Variants in HMGB1 observed in about 807,000 individuals in gnomAD.
The protein encoded by HMGB1 is high mobility group protein B1.
For missense variants in HMGB1, 79 were observed against 253.5 expected (o/e 0.31, Z 4.67); for synonymous variants, 81 against 84.0 (o/e 0.96, Z 0.19).
intron 1 of HMGB1, 115 bp from the exon 2 acceptor site, chr13:30,463,809 A>G (rs1301917098): frequency 4.6e-6 from 3 of 651,310 alleles, no homozygotes; most frequent in Non-Finnish European, 7.5e-6. Context: ...CAGTAGCGAC[A>G]TCAACCTCCG....
intron 1 of HMGB1, among the ~76,000 whole-genome samples, chr13:30,544,521 G>A (rs1031651442): frequency 1.3e-5 from 2 of 152,292 alleles, no homozygotes; most frequent in Non-Finnish European, 2.9e-5. Context: ...ATGTAATGAC[G>A]CTTCCATAAA....
chr13:30,573,817 A>AT (rs1374022830), intron 1 of HMGB1, among the ~76,000 whole-genome samples: 3 of 152,042 alleles, frequency 2.0e-5, no homozygotes, highest in Non-Finnish European at 4.4e-5. Context: ...CGTCCAGCTA[A>AT]TTTTTTTGGT....
intron 1 of HMGB1, among the ~76,000 whole-genome samples, chr13:30,550,637 C>T (rs1299808279): frequency 6.6e-6 from 1 of 152,166 alleles, no homozygotes; most frequent in Non-Finnish European, 1.5e-5. Flanking sequence ...ACACTCGGGC[C>T]ACCTCCTCTT....
At chr13:30,518,293 C>T (rs547167707) in intron 1 of HMGB1, among the ~76,000 whole-genome samples, 6 of 152,342 alleles carry the variant, frequency 3.9e-5, no homozygotes, top group South Asian at 2.1e-4. Flanking sequence ...GCTGTGTTCA[C>T]GCTACTGTAC....
chr13:30,568,945 G>A (rs1870309251), intron 1 of HMGB1, among the ~76,000 whole-genome samples: 1 of 152,210 alleles, frequency 6.6e-6, no homozygotes. Flanking sequence ...GGGAGGCTAA[G>A]GCGGGGAGAT....
chr13:30,456,761 G>C lies in HMGB1; in HGVS notation c.*4596C>G, dbSNP rs1389178516. 14 of 9,704 alleles carry C rather than the reference G, an allele frequency of 1.4e-3. No homozygotes were observed. The East Asian group carries it at 0.031, about 21-fold the overall frequency. 0.6% of individuals were successfully genotyped at this position (9,704 alleles called of 1,614,324 possible). Reference sequence around the variant, plus strand: ...AGCATAAATAACAGCTTTTGTGGGCGGGGGGGGGGGGTGGTGGGGTGCAAT... The same window carrying C: ...AGCATAAATAACAGCTTTTGTGGGCCGGGGGGGGGGGTGGTGGGGTGCAAT... On this transcript the variant is annotated 3_prime_UTR_variant, in exon 5 of 5. Coordinates refer to ENST00000341423, the MANE Select transcript of HMGB1 (RefSeq NM_002128.7).
chr13:30,596,210 T>C (rs1014901291), intron 1 of HMGB1, among the ~76,000 whole-genome samples: 5 of 152,220 alleles, frequency 3.3e-5, no homozygotes, highest in Admixed American at 3.3e-4. Flanking sequence ...TCTCCCTTTA[T>C]AATCAATTAC....
intron 1 of HMGB1, chr13:30,464,687 C>G: frequency 1.0e-6 from 1 of 962,508 alleles, no homozygotes; most frequent in Non-Finnish European, 1.2e-6. Context: ...CACGGAATGG[C>G]CGCTGCGCGT....
At chr13:30,521,951 T>C (rs1324534821) in intron 1 of HMGB1, among the ~76,000 whole-genome samples, 1 of 152,216 alleles carries the variant, frequency 6.6e-6, no homozygotes, top group African/African-American at 2.4e-5. Flanking sequence ...GCATTGCACT[T>C]ATTTTTAAAG....
At position 30,459,835 on chromosome 13, in the gene HMGB1, G is replaced by A. The variant is rs1280595357; in HGVS notation, c.*1522C>T. The A allele has an allele frequency of 6.6e-6, 1 of 152,484 alleles. No individual in the cohort carries two copies. Among genetic ancestry groups the A allele is most frequent in the African/African-American group, 2.4e-5 (1 of 41,416 alleles). The allele number at this position is 152,484 out of a possible 1,614,324, so 9.4% of individuals were successfully genotyped here. A position where few individuals can be genotyped will look rare whatever the true frequency, so the allele number is the denominator to read the frequency against. On this transcript the variant is annotated 3_prime_UTR_variant, in exon 5 of 5. Coordinates refer to ENST00000341423, the MANE Select transcript of HMGB1 (RefSeq NM_002128.7). ...CAAAATCTTAAGTTCTTAAGTGAAA[G>A]CCATTTAACTAGTATTTAAAACCTC...
At chr13:30,603,763 C>A (rs1273720831) in intron 1 of HMGB1, among the ~76,000 whole-genome samples, 1 of 152,248 alleles carries the variant, frequency 6.6e-6, no homozygotes, top group African/African-American at 2.4e-5. Flanking sequence ...ATAACCTACA[C>A]ATCTTCCTGT....
chr13:30,581,246 T>C (rs1870889303), intron 1 of HMGB1, among the ~76,000 whole-genome samples: 1 of 152,198 alleles, frequency 6.6e-6, no homozygotes, highest in Non-Finnish European at 1.5e-5. Flanking sequence ...TAATCTGCTC[T>C]AGATCCACTG....
rs187651096 is a variant in HMGB1 at position 30,533,888 on chromosome 13, G to C, written c.-14-70194C>G. ...TATCTTTTTTTTTTTTTTTAAGATG[G>C]AGTTTCGCTCTTGTTGCCCGGGCTG... is the stretch of plus-strand genomic sequence containing the variant. On this transcript the variant is annotated intron_variant, in intron 1 of 4. Coordinates refer to the HMGB1 transcript ENST00000405805. Among the ~76,000 whole-genome samples the C allele has an allele frequency of 2.6e-3, 379 of 147,060 alleles. 2 individuals carry two copies. The highest frequency in any genetic ancestry group is 4.4e-3 in the Non-Finnish European group (293 of 66,990).
At chr13:30,578,534 T>G (rs1000253404) in intron 1 of HMGB1, among the ~76,000 whole-genome samples, 3 of 152,054 alleles carry the variant, frequency 2.0e-5, no homozygotes, top group South Asian at 4.2e-4. Context: ...TATTTCCCAT[T>G]TGAAGCAATG....
chr13:30,462,769 A>G, intron 3 of HMGB1, 57 bp from the exon 4 acceptor site: 1 of 1,420,080 alleles, frequency 7.0e-7, no homozygotes, highest in Non-Finnish European at 9.9e-7. Flanking sequence ...AACAAATACT[A>G]TCAAGTGTAC....
At chr13:30,584,757 C>A (rs543775663) in intron 1 of HMGB1, among the ~76,000 whole-genome samples, 7 of 151,952 alleles carry the variant, frequency 4.6e-5, no homozygotes, top group Middle Eastern at 6.8e-3. Flanking sequence ...GTTTTAGCAC[C>A]CAGATAGCTT....
At chr13:30,590,171 G>T (rs1434083699) in intron 1 of HMGB1, among the ~76,000 whole-genome samples, 2 of 152,060 alleles carry the variant, frequency 1.3e-5, no homozygotes, top group Non-Finnish European at 2.9e-5. Context: ...TTCTATATCT[G>T]CACTGTCCAA....
In HMGB1 at chr13:30,559,153, G is replaced by A. The variant is rs544918188; in HGVS notation, c.-15+57518C>T. 2.5e-4 allele frequency among the ~76,000 whole-genome samples: 38 copies of A among 152,024 alleles called. No homozygotes were observed. The East Asian group carries it at 3.7e-3, about 15-fold the overall frequency. ...TTACATTGCCAAATGTACCTGGGGT[G>A]GGGGGTGCGGGTGGAGGAAAAATTG... is the stretch of plus-strand genomic sequence containing the variant. On this transcript the variant is annotated intron_variant, in intron 1 of 4. Transcript: ENST00000405805. The surrounding 1 kb of genome is among the most constrained non-coding windows in gnomAD (Gnocchi z 6.6).
rs529376803 is a variant in HMGB1 at position 30,550,191 on chromosome 13, C to T, written c.-15+66480G>A. 2.6e-5 allele frequency among the ~76,000 whole-genome samples: 4 copies of T among 152,226 alleles called. No individual in the cohort carries two copies. The East Asian group carries it at 7.7e-4, about 29-fold the overall frequency. On this transcript the variant is annotated intron_variant, in intron 1 of 4. Coordinates refer to the HMGB1 transcript ENST00000405805. The stretch of plus-strand genomic sequence containing the variant: ...AAACAAAGGTTAATACTAGTGCTGT[C>T]ATGACTATCAGGAGCTATGACATCC...
Sources: gnomAD v4.1 joint callset for allele counts (sites outside exome capture counted in the v4.1 genomes callset) on GRCh38, gnomAD v4.1.1 for gene constraint, Gnocchi (gnomAD v3.1) non-coding constraint, MANE v1.5 for transcripts, NCBI Gene and HGNC (gene_info 2026-07-23, HGNC 2026-07-21) for gene names.